The following OR1J2 variants were observed in gnomAD, a reference collection of about 807,000 sequenced individuals.
OR1J2 encodes the protein olfactory receptor family 1 subfamily J member 2, also known as olfactory receptor 1J2.
For missense variants in OR1J2, 304 were observed against 246.1 expected (o/e 1.24, Z -1.57); for synonymous variants, 142 against 99.7 (o/e 1.42, Z -2.52).
the OR1J2 span, among the ~76,000 whole-genome samples, chr9:122,484,268 T>A: frequency 6.6e-6 from 1 of 152,042 alleles, no homozygotes; most frequent in Non-Finnish European, 1.5e-5. Context: ...TTCAAGAGAT[T>A]CTCCTGCCTC....
the OR1J2 span, among the ~76,000 whole-genome samples, chr9:122,517,671 GC>G: frequency 6.6e-6 from 1 of 152,010 alleles, no homozygotes; most frequent in African/African-American, 2.4e-5. Flanking sequence ...ATTCCTACTG[GC>G]CTTGCAGGAT....
the OR1J2 span, among the ~76,000 whole-genome samples, chr9:122,456,578 AC>A: frequency 6.6e-6 from 1 of 152,214 alleles, no homozygotes; most frequent in Non-Finnish European, 1.5e-5. Context: ...GAACACACAC[AC>A]GAAAGAATAC....
At chr9:122,571,441 T>A in the OR1J2 span, among the ~76,000 whole-genome samples, 1 of 151,572 alleles carries the variant, frequency 6.6e-6, no homozygotes, top group Non-Finnish European at 1.5e-5. Flanking sequence ...TCCCAGCTAC[T>A]CGGTAGGCTG....
chr9:122,533,816 C>A, the OR1J2 span, among the ~76,000 whole-genome samples: 9 of 152,074 alleles, frequency 5.9e-5, no homozygotes, highest in Non-Finnish European at 1.3e-4. Context: ...GACGGACTTA[C>A]CCTCCACTCT....
chr9:122,511,599 T>G lies in OR1J2; in HGVS notation c.798T>G (p.Ser266Arg), dbSNP rs79136414. ...FGQYLFPTVS[S>R]SIDKDVIVAL... is the part of the protein sequence containing the mutation. ...AGTACCTTTTCCCGACTGTAAGCAGTTCTATTGACAAGGATGTCATTGTGG... is the reference window on the plus strand; with the variant it reads ...AGTACCTTTTCCCGACTGTAAGCAGGTCTATTGACAAGGATGTCATTGTGG... The change falls in exon 1 of 1, where the codon AGT becomes AGG. Residue 266 changes from serine to arginine, a missense_variant. Transcript: ENST00000335302. 2.6e-6 allele frequency: 2 copies of G among 781,088 alleles called. No homozygotes were observed. Among genetic ancestry groups the G allele is most frequent in the Non-Finnish European group, 4.8e-6 (2 of 418,130 alleles). The allele number at this position is 781,088 out of a possible 1,614,324, so 48.4% of individuals were successfully genotyped here.
chr9:122,464,851 C>T, the OR1J2 span, among the ~76,000 whole-genome samples: 2 of 152,138 alleles, frequency 1.3e-5, no homozygotes, highest in African/African-American at 4.8e-5. Flanking sequence ...CTTTTTGGGA[C>T]TATATAAGAC....
chr9:122,527,606 C>G, the OR1J2 span, among the ~76,000 whole-genome samples: 1 of 151,884 alleles, frequency 6.6e-6, no homozygotes, highest in Non-Finnish European at 1.5e-5. Flanking sequence ...AGTAGGCTGT[C>G]TATGTGAGTA....
chr9:122,567,525 C>G, the OR1J2 span: 3 of 1,509,842 alleles, frequency 2.0e-6, no homozygotes, highest in South Asian at 3.9e-5. Context: ...ATTCCACTTA[C>G]GAGTTTTTCA....
the OR1J2 span, among the ~76,000 whole-genome samples, chr9:122,540,106 A>G: frequency 0.13 from 19,678 of 148,502 alleles, 1,563 homozygotes; most frequent in East Asian, 0.26. Context: ...CTGTGCAGAA[A>G]CTCTTTAGTT....
chr9:122,531,177 A>G, the OR1J2 span, among the ~76,000 whole-genome samples: 2 of 152,156 alleles, frequency 1.3e-5, no homozygotes, highest in African/African-American at 4.8e-5. Context: ...GATTAAGCTG[A>G]AGGAAGATTT....
the OR1J2 span, among the ~76,000 whole-genome samples, chr9:122,569,207 C>T: frequency 3.9e-5 from 6 of 152,098 alleles, no homozygotes; most frequent in Admixed American, 6.6e-5. Context: ...CATTAGTTTG[C>T]ACAAGTCTCC....
the OR1J2 span, among the ~76,000 whole-genome samples, chr9:122,529,675 C>G: frequency 6.6e-6 from 1 of 152,296 alleles, no homozygotes; most frequent in Non-Finnish European, 1.5e-5. Flanking sequence ...TCATAAAACT[C>G]TGTAGATCCT....
chr9:122,527,368 C>G, the OR1J2 span: 3 of 819,754 alleles, frequency 3.7e-6, no homozygotes, highest in Non-Finnish European at 5.8e-6. Flanking sequence ...GGGCTGACTC[C>G]CAAATCTCCC....
the OR1J2 span, chr9:122,576,974 C>T: frequency 6.6e-6 from 1 of 152,052 alleles, no homozygotes; most frequent in African/African-American, 2.4e-5. Context: ...CTCCAAGATC[C>T]ATACATGTTG....
the OR1J2 span, chr9:122,554,070 A>T: frequency 6.2e-7 from 1 of 1,613,716 alleles, no homozygotes; most frequent in East Asian, 2.2e-5. Context: ...GATTATTCCC[A>T]CGCTAAACCC....
the OR1J2 span, among the ~76,000 whole-genome samples, chr9:122,450,297 G>A: frequency 6.6e-6 from 1 of 152,078 alleles, no homozygotes; most frequent in South Asian, 2.1e-4. Context: ...TGCGCTTGGT[G>A]GTGCACACCT....
Position 122,511,437 on chromosome 9 carries a change from G to A in OR1J2, c.636G>A (p.Met212Ile), listed in dbSNP as rs144586923. 1.3e-6 allele frequency: 1 copy of A among 777,250 alleles called. No homozygotes were observed. 48.1% of individuals were successfully genotyped at this position (777,250 alleles called of 1,614,324 possible). Residue 212 changes from methionine (M) to isoleucine (I), a missense_variant, in exon 1 of 1, where the codon ATG (methionine) becomes ATA (isoleucine). By Grantham distance (10) the Met-to-Ile change is conservative. Transcript: ENST00000335302. ...TGGTGGTCATTACCCTGCCATTCAT[G>A]TGTATCCTGGTATCATATGGCTACA... ...VGVVVITLPF[M>I]CILVSYGYIG...
the OR1J2 span, chr9:122,568,553 C>G: frequency 2.3e-6 from 2 of 854,860 alleles, no homozygotes; most frequent in Admixed American, 5.3e-5. Flanking sequence ...TCATGAGAAC[C>G]TAGCAAGTCT....
At chr9:122,545,354 A>G in the OR1J2 span, among the ~76,000 whole-genome samples, 1 of 152,256 alleles carries the variant, frequency 6.6e-6, no homozygotes, top group Admixed American at 6.5e-5. Flanking sequence ...TATTATTCAA[A>G]TATTTTATAT....
Sources: gnomAD v4.1 joint callset for allele counts (sites outside exome capture counted in the v4.1 genomes callset) on GRCh38, gnomAD v4.1.1 for gene constraint, MANE v1.5 for transcripts, NCBI Gene and HGNC (gene_info 2026-07-23, HGNC 2026-07-21) for gene names.